PLA2G4C: variants seen among roughly 807,000 people sequenced by gnomAD.
PLA2G4C encodes the protein phospholipase A2 group IVC, also known as cytosolic phospholipase A2 gamma.
A neutral mutation model predicts 73.8 loss-of-function variants in PLA2G4C; 64 were observed. That is an observed-to-expected ratio of 0.87 (90% CI 0.71 to 1.07). PLA2G4C has a LOEUF of 1.07. PLA2G4C is among the 50% of genes least tolerant of loss of function. PLA2G4C has a pLI of 0.00. For missense variants in PLA2G4C, 622 were observed against 665.4 expected (o/e 0.93, Z 0.72); for synonymous variants, 254 against 252.1 (o/e 1.01, Z -0.07).
At chr19:48,109,463 G>C (rs1356550154) in intron 1 of PLA2G4C, among the ~76,000 whole-genome samples, 1 of 152,056 alleles carries the variant, frequency 6.6e-6, no homozygotes, top group African/African-American at 2.4e-5. Context: ...GTAGAGATCA[G>C]GTCTTGTTAT....
intron 12 of PLA2G4C, chr19:48,074,319 C>G (rs1033548631): frequency 1.2e-5 from 2 of 166,884 alleles, no homozygotes; most frequent in African/African-American, 4.8e-5. Context: ...TGATCTTGTT[C>G]CTTTTTCTGG....
chr19:48,078,132 T>C (rs2081949), intron 10 of PLA2G4C, among the ~76,000 whole-genome samples: 39,969 of 152,018 alleles, frequency 0.26, 5,783 homozygotes, highest in East Asian at 0.52. Context: ...ACAAAAATCA[T>C]AGGAGATGCA....
chr19:48,110,363 T>TA lies in PLA2G4C; in HGVS notation c.-33+123dup, dbSNP rs1239891286. On this transcript the variant is annotated intron_variant, in intron 1 of 16. Coordinates refer to ENST00000599921, the MANE Select transcript of PLA2G4C (RefSeq NM_003706.3). ...GCTGTCTCAAAAAAAAATAAATAAA[T>TA]AAATAAAATAAAATAAAATAAAAAA... is the stretch of plus-strand genomic sequence containing the variant. The TA allele has an allele frequency of 2.9e-3, 1,783 of 604,548 alleles. 20 individuals carry two copies. The African/African-American group carries it at 0.031, about 11-fold the overall frequency. The allele number at this position is 604,548 out of a possible 1,614,324, so 37.4% of individuals were successfully genotyped here. A position where few individuals can be genotyped will look rare whatever the true frequency, so the allele number is the denominator to read the frequency against.
At chr19:48,066,801 T>TGAAAAA (rs1568428996) in intron 13 of PLA2G4C, among the ~76,000 whole-genome samples, 2 of 151,584 alleles carry the variant, frequency 1.3e-5, no homozygotes, top group East Asian at 3.9e-4. Flanking sequence ...CCCATCTCTA[T>TGAAAAA]GAAAAAGAAA....
At chr19:48,092,394 C>T (rs1051919417) in intron 7 of PLA2G4C, among the ~76,000 whole-genome samples, 4 of 152,180 alleles carry the variant, frequency 2.6e-5, no homozygotes, top group Admixed American at 2.6e-4. Flanking sequence ...TCCAGCAATT[C>T]TACCTCTGAG....
chr19:48,065,921 C>T (rs1379460194), intron 13 of PLA2G4C, among the ~76,000 whole-genome samples: 1 of 152,060 alleles, frequency 6.6e-6, no homozygotes, highest in Non-Finnish European at 1.5e-5. Flanking sequence ...TGGAGAAACC[C>T]TGTCTCTACT....
chr19:48,104,702 C>T lies in PLA2G4C; in HGVS notation c.143G>A (p.Gly48Asp), dbSNP rs766385698. The T allele has an allele frequency of 3.7e-6, 6 of 1,614,050 alleles. No homozygotes were observed. The South Asian group carries it at 6.6e-5, about 18-fold the overall frequency. ...ADEAPVVAVL[G>D]SGGGLRAHIA... ...GTGAGCCCGCAGTCCTCCGCCTGAG[C>T]CCAGCACAGCAACAACTGGGGCCTA... is the stretch of plus-strand genomic sequence containing the variant. Residue 48 changes from glycine to aspartate, a missense_variant, in exon 4 of 17, where the codon GGC becomes GAC. Gly to Asp is a moderately conservative substitution (Grantham distance 94). Transcript: ENST00000599921.
intron 12 of PLA2G4C, among the ~76,000 whole-genome samples, chr19:48,068,914 A>T (rs1193001549): frequency 6.6e-6 from 1 of 151,612 alleles, no homozygotes; most frequent in African/African-American, 2.4e-5. Context: ...TGCCTGCAGA[A>T]TTGTAAGAAA....
intron 14 of PLA2G4C, among the ~76,000 whole-genome samples, chr19:48,057,396 G>A (rs1161114671): frequency 1.3e-5 from 2 of 150,050 alleles, no homozygotes; most frequent in Non-Finnish European, 3.0e-5. Flanking sequence ...TTTATTCAGA[G>A]GAGTGATATT....
chr19:48,051,286 T>G (rs768939059), intron 16 of PLA2G4C, among the ~76,000 whole-genome samples: 2 of 152,210 alleles, frequency 1.3e-5, no homozygotes, highest in Non-Finnish European at 2.9e-5. Context: ...TAACACTCGT[T>G]TCAGATTTCT....
chr19:48,098,093 T>A (rs251685), intron 6 of PLA2G4C, 46 bp downstream of exon 6: 4 of 1,597,348 alleles, frequency 2.5e-6, no homozygotes, highest in Non-Finnish European at 3.4e-6. Flanking sequence ...CACTCCGTGC[T>A]GTTCCATCCC....
chr19:48,108,197 C>A (rs1461243793), intron 1 of PLA2G4C, among the ~76,000 whole-genome samples: 1 of 152,222 alleles, frequency 6.6e-6, no homozygotes, highest in African/African-American at 2.4e-5. Flanking sequence ...TACAGTGGCG[C>A]AATCATAGCT....
At chr19:48,073,824 G>A (rs533280120) in intron 12 of PLA2G4C, among the ~76,000 whole-genome samples, 68 of 151,886 alleles carry the variant, frequency 4.5e-4, no homozygotes, top group African/African-American at 1.6e-3. Context: ...CTAAACAACC[G>A]TATCTCACAT....
intron 12 of PLA2G4C, among the ~76,000 whole-genome samples, chr19:48,068,137 A>G (rs1373355037): frequency 6.6e-6 from 1 of 152,170 alleles, no homozygotes; most frequent in African/African-American, 2.4e-5. Context: ...CCCTGTCTCT[A>G]CTAAAAATAC....
chr19:48,092,985 C>G (rs156629), intron 7 of PLA2G4C, among the ~76,000 whole-genome samples: 4 of 151,866 alleles, frequency 2.6e-5, no homozygotes, highest in Non-Finnish European at 5.9e-5. Flanking sequence ...ATAAAATACA[C>G]GTACAGAATC....
chr19:48,087,766 C>A (rs2031065638), intron 9 of PLA2G4C, among the ~76,000 whole-genome samples: 1 of 152,028 alleles, frequency 6.6e-6, no homozygotes, highest in African/African-American at 2.4e-5. Flanking sequence ...GAAACCCCAT[C>A]TCTACTAAAA....
Position 48,110,531 on chromosome 19 carries a change from T to TGCTCCGGAATCCGATGCGGAGGCTTGG in PLA2G4C, c.-78_-77insCCAAGCCTCCGCATCGGATTCCGGAGC. 1 of 1,386,158 alleles carries TGCTCCGGAATCCGATGCGGAGGCTTGG rather than the reference T, an allele frequency of 7.2e-7. No homozygotes were observed. Among genetic ancestry groups the TGCTCCGGAATCCGATGCGGAGGCTTGG allele is most frequent in the Non-Finnish European group, 9.5e-7 (1 of 1,049,482 alleles). The allele number at this position is 1,386,158 out of a possible 1,614,324, so 85.9% of individuals were successfully genotyped here. ...GTGTGCGCATGCGCGGTGGAGCTTGTGCTCCGGAATCCGGTGCGGAGGCTT... is the reference window on the plus strand; with the variant it reads ...GTGTGCGCATGCGCGGTGGAGCTTGTGCTCCGGAATCCGATGCGGAGGCTTGGGCTCCGGAATCCGGTGCGGAGGCTT... On this transcript the variant is annotated 5_prime_UTR_variant, in exon 1 of 17. Coordinates refer to ENST00000599921, the MANE Select transcript of PLA2G4C (RefSeq NM_003706.3).
chr19:48,101,123 TA>T (rs771843681), intron 4 of PLA2G4C, among the ~76,000 whole-genome samples: 3,965 of 57,282 alleles, frequency 0.069, 67 homozygotes, highest in Non-Finnish European at 0.087. Context: ...TATATATATA[TA>T]TATTTTTTTT....
At chr19:48,109,742 C>T (rs1246622499) in intron 1 of PLA2G4C, among the ~76,000 whole-genome samples, 1 of 152,026 alleles carries the variant, frequency 6.6e-6, no homozygotes, top group African/African-American at 2.4e-5. Context: ...CTCCGCCTTC[C>T]GGGCTCACGC....
Sources: gnomAD v4.1 joint callset for allele counts (sites outside exome capture counted in the v4.1 genomes callset) on GRCh38, gnomAD v4.1.1 for gene constraint, MANE v1.5 for transcripts, NCBI Gene and HGNC (gene_info 2026-07-23, HGNC 2026-07-21) for gene names.